The following TAFA4 variants were observed in gnomAD, a reference collection of about 807,000 sequenced individuals.
TAFA4 encodes chemokine-like protein TAFA-4.
In TAFA4, 20 loss-of-function variants were observed where a neutral mutation model predicts 21.1. That is an observed-to-expected ratio of 0.95 (90% confidence interval 0.67 to 1.38). The LOEUF is 1.38. Among genes scored for constraint, TAFA4 ranks in the 40% most tolerant of loss-of-function variants. The pLI is 0.00. For synonymous variants in TAFA4, 71 were observed against 67.4 expected (o/e 1.05, Z -0.26); for missense variants, 211 against 180.9 (o/e 1.17, Z -0.95).
rs190912367 is a variant in TAFA4, at chr3:68,852,569, C to T, written c.130+28161G>A. 2.0e-5 allele frequency among the ~76,000 whole-genome samples: 3 copies of T among 152,308 alleles called. No homozygotes were observed. The East Asian group carries it at 5.8e-4, about 29-fold the overall frequency. On this transcript the variant is annotated intron_variant, in intron 3 of 5. Transcript: ENST00000295569. The stretch of plus-strand genomic sequence containing the variant: ...GACTCCATGACTGTCTCAACCAACT[C>T]AGGGTATGGAGAACCCAGGGTAGGG...
chr3:68,835,666 T>C (rs1704507772), intron 3 of TAFA4, among the ~76,000 whole-genome samples: 1 of 152,232 alleles, frequency 6.6e-6, no homozygotes, highest in African/African-American at 2.4e-5. Flanking sequence ...CTAACATGCA[T>C]ACAAAGTAAA....
chr3:68,733,866 C>A (rs768372952), intron 5 of TAFA4, among the ~76,000 whole-genome samples: 1 of 152,152 alleles, frequency 6.6e-6, no homozygotes, highest in African/African-American at 2.4e-5. Context: ...CAAACCTCAG[C>A]GTTGCTATTA....
At chr3:68,837,588 A>G (rs1240816041) in intron 3 of TAFA4, among the ~76,000 whole-genome samples, 2 of 152,214 alleles carry the variant, frequency 1.3e-5, no homozygotes, top group Non-Finnish European at 2.9e-5. Context: ...TGATTCAATG[A>G]ATCAGAGGTG....
chr3:68,895,648 GCT>G (rs2089781350), intron 1 of TAFA4, among the ~76,000 whole-genome samples: 1 of 152,140 alleles, frequency 6.6e-6, no homozygotes, highest in African/African-American at 2.4e-5. Context: ...CAGCATCCAT[GCT>G]CTATTTCTGT....
chr3:68,817,398 A>G (rs1575622284), intron 3 of TAFA4, among the ~76,000 whole-genome samples: 2 of 152,122 alleles, frequency 1.3e-5, no homozygotes, highest in Admixed American at 1.3e-4. Flanking sequence ...CCTCATAGTC[A>G]TCCATGAGAG....
At chr3:68,886,513 C>T (rs2089673633) in intron 1 of TAFA4, among the ~76,000 whole-genome samples, 1 of 152,160 alleles carries the variant, frequency 6.6e-6, no homozygotes, top group Non-Finnish European at 1.5e-5. Context: ...ATAATGAACT[C>T]CCCACATATT....
chr3:68,789,043 C>A (rs980195375), intron 3 of TAFA4, among the ~76,000 whole-genome samples: 3 of 152,060 alleles, frequency 2.0e-5, no homozygotes, highest in African/African-American at 7.2e-5. Context: ...GCCATCCTGG[C>A]TAACATGGTG....
intron 1 of TAFA4, among the ~76,000 whole-genome samples, chr3:68,914,402 G>A (rs2089985662): frequency 6.6e-6 from 1 of 152,226 alleles, no homozygotes; most frequent in South Asian, 2.1e-4. Flanking sequence ...TCATGACTAT[G>A]TACCTATGTG....
rs972267673 is a variant in TAFA4 at position 68,826,161 on chromosome 3, A to G, written c.130+54569T>C. Among the ~76,000 whole-genome samples, 3 of 152,368 alleles carry G rather than the reference A, an allele frequency of 2.0e-5. No individual in the cohort carries two copies. The East Asian group carries it at 5.8e-4, about 29-fold the overall frequency. Reference sequence around the variant, plus strand: ...TGCTCCGAAGGGAGAAGATGCCCTAAGAACACTGGACCTGCAGTCGGAAGG... The same window carrying G: ...TGCTCCGAAGGGAGAAGATGCCCTAGGAACACTGGACCTGCAGTCGGAAGG... On this transcript the variant is annotated intron_variant, in intron 3 of 5. Transcript: ENST00000295569.
chr3:68,901,958 G>C (rs1381428654), intron 1 of TAFA4, among the ~76,000 whole-genome samples: 1 of 152,150 alleles, frequency 6.6e-6, no homozygotes, highest in Non-Finnish European at 1.5e-5. Context: ...GTTCAAATGA[G>C]GCATGGTATA....
intron 3 of TAFA4, among the ~76,000 whole-genome samples, chr3:68,782,652 C>T (rs1703174117): frequency 6.6e-6 from 1 of 152,096 alleles, no homozygotes; most frequent in Admixed American, 6.5e-5. Context: ...AAAAAGGCCA[C>T]ATGTTGTACA....
chr3:68,828,064 T>C (rs1704294956), intron 3 of TAFA4, among the ~76,000 whole-genome samples: 1 of 152,210 alleles, frequency 6.6e-6, no homozygotes, highest in East Asian at 1.9e-4. Context: ...TTGTGTAAGA[T>C]GTAAGAAAGG....
chr3:68,916,711 C>T (rs2090007856), intron 1 of TAFA4, among the ~76,000 whole-genome samples: 1 of 152,192 alleles, frequency 6.6e-6, no homozygotes, highest in African/African-American at 2.4e-5. Flanking sequence ...ATCACCAGGG[C>T]CTCAGGCAGC....
intron 1 of TAFA4, among the ~76,000 whole-genome samples, chr3:68,898,287 A>G (rs1431136334): frequency 6.6e-6 from 1 of 152,216 alleles, no homozygotes; most frequent in Non-Finnish European, 1.5e-5. Flanking sequence ...ATGGAAAGGC[A>G]TATCTGATTG....
intron 3 of TAFA4, among the ~76,000 whole-genome samples, chr3:68,780,287 C>T (rs575668727): frequency 6.6e-6 from 1 of 152,128 alleles, no homozygotes; most frequent in Admixed American, 6.5e-5. Flanking sequence ...TGAGTTAACG[C>T]TGAAATGAGT....
chr3:68,862,978 A>C (rs1339755514), intron 3 of TAFA4, among the ~76,000 whole-genome samples: 6 of 151,906 alleles, frequency 3.9e-5, no homozygotes, highest in Non-Finnish European at 7.4e-5. Flanking sequence ...TCATGCCTGT[A>C]ATCCCAGCAC....
At chr3:68,923,167 T>C (rs566054049) in intron 1 of TAFA4, among the ~76,000 whole-genome samples, 1 of 152,320 alleles carries the variant, frequency 6.6e-6, no homozygotes, top group African/African-American at 2.4e-5. Flanking sequence ...CAAACGTTAA[T>C]TTCAAGTATA....
chr3:68,815,471 AAAAC>A (rs1410394107), intron 3 of TAFA4, among the ~76,000 whole-genome samples: 14 of 152,226 alleles, frequency 9.2e-5, no homozygotes, highest in Non-Finnish European at 2.1e-4. Flanking sequence ...TTACAAGAAA[AAAAC>A]AAACAACCCC....
At chr3:68,762,032 T>A (rs1702764927) in intron 3 of TAFA4, among the ~76,000 whole-genome samples, 1 of 151,390 alleles carries the variant, frequency 6.6e-6, no homozygotes, top group East Asian at 1.9e-4. Context: ...AAGTCTGGAG[T>A]TCAAGAGAGA....
Sources: allele counts gnomAD v4.1 joint callset (sites outside exome capture counted in the v4.1 genomes callset), GRCh38; gene constraint gnomAD v4.1.1; transcripts MANE v1.5; gene names NCBI Gene and HGNC (gene_info 2026-07-23, HGNC 2026-07-21).